Variants in TASP1 observed in about 807,000 individuals in gnomAD.
TASP1 encodes taspase 1.
In TASP1, 16 loss-of-function variants were observed where a neutral mutation model predicts 56.6. The observed-to-expected ratio is 0.28, with a 90% CI of 0.19 to 0.43. The LOEUF (loss-of-function observed/expected upper bound fraction) is 0.43, where lower values mean the gene tolerates loss of function less well. Ranked by LOEUF, TASP1 falls within the 20% of genes least tolerant of loss-of-function variation. The probability of loss-of-function intolerance (pLI) is 1.00; values close to 1 mark genes in which losing one functional copy is unlikely to be tolerated. For missense variants in TASP1, 393 were observed against 511.6 expected (o/e 0.77, Z 2.24); for synonymous variants, 179 against 184.2 (o/e 0.97, Z 0.23).
chr20:13,586,724 T>C (rs2047318497), intron 5 of TASP1, among the ~76,000 whole-genome samples: 1 of 152,158 alleles, frequency 6.6e-6, no homozygotes, highest in Non-Finnish European at 1.5e-5. Flanking sequence ...ATATCTTTTA[T>C]GTACTGATGT....
intron 11 of TASP1, among the ~76,000 whole-genome samples, chr20:13,455,847 A>T (rs2043812840): frequency 6.6e-6 from 1 of 152,174 alleles, no homozygotes; most frequent in Non-Finnish European, 1.5e-5. Context: ...TACATGGGGC[A>T]TTGCCCCATA....
chr20:13,311,433 G>C, the TASP1 span, among the ~76,000 whole-genome samples: 1 of 151,878 alleles, frequency 6.6e-6, no homozygotes, highest in Admixed American at 6.6e-5. Context: ...CCCACTCCTG[G>C]GTATATATCC....
intron 13 of TASP1, among the ~76,000 whole-genome samples, chr20:13,411,409 C>T (rs1191908285): frequency 6.6e-6 from 1 of 152,140 alleles, no homozygotes; most frequent in Admixed American, 6.6e-5. Context: ...TTCTTCTGAT[C>T]CATGAGCATG....
intron 6 of TASP1, among the ~76,000 whole-genome samples, chr20:13,576,327 GAGAA>G (rs1328442805): frequency 1.6e-4 from 20 of 122,812 alleles, no homozygotes; most frequent in South Asian, 8.2e-4. Flanking sequence ...AGAAAGAAAA[GAGAA>G]AGAAAGAAAG....
intron 6 of TASP1, among the ~76,000 whole-genome samples, chr20:13,577,637 T>C (rs1017388340): frequency 6.6e-6 from 1 of 152,162 alleles, no homozygotes; most frequent in Non-Finnish European, 1.5e-5. Flanking sequence ...CCTACACCCC[T>C]ATCTCTAGTG....
At chr20:13,332,551 AT>A in the TASP1 span, among the ~76,000 whole-genome samples, 6 of 152,352 alleles carry the variant, frequency 3.9e-5, no homozygotes, top group East Asian at 1.2e-3. Context: ...ATACATGTGT[AT>A]GTATTTAATT....
intron 4 of TASP1, among the ~76,000 whole-genome samples, chr20:13,606,634 C>T (rs185622028): frequency 3.9e-5 from 6 of 151,906 alleles, no homozygotes; most frequent in East Asian, 1.9e-4. Context: ...GGTGAAACCC[C>T]GTATCTACTA....
chr20:13,131,202 A>G, the TASP1 span, among the ~76,000 whole-genome samples: 1 of 152,198 alleles, frequency 6.6e-6, no homozygotes, highest in African/African-American at 2.4e-5. Flanking sequence ...CAAGTAATCA[A>G]TCAACATTTT....
At chr20:13,187,712 G>A in the TASP1 span, among the ~76,000 whole-genome samples, 116 of 120,012 alleles carry the variant, frequency 9.7e-4, 1 homozygote, top group East Asian at 0.027. Flanking sequence ...CCAGCCTGGC[G>A]ACAGAGTGAG....
At chr20:13,638,484 CTAAG>C (rs1257266079) in intron 1 of TASP1, among the ~76,000 whole-genome samples, 1 of 152,080 alleles carries the variant, frequency 6.6e-6, no homozygotes, top group Non-Finnish European at 1.5e-5. Context: ...GCCTCTATTA[CTAAG>C]TAAGGGGCTG....
chr20:13,143,427 A>G, the TASP1 span, among the ~76,000 whole-genome samples: 1 of 152,254 alleles, frequency 6.6e-6, no homozygotes, highest in Non-Finnish European at 1.5e-5. Context: ...TCATAACAGT[A>G]TGCAGTGGGC....
At chr20:13,269,586 T>C in the TASP1 span, among the ~76,000 whole-genome samples, 1 of 152,204 alleles carries the variant, frequency 6.6e-6, no homozygotes, top group East Asian at 1.9e-4. Flanking sequence ...ACTTGAGTGC[T>C]TCCTTTGCTG....
At chr20:13,235,084 C>T in the TASP1 span, among the ~76,000 whole-genome samples, 1 of 152,176 alleles carries the variant, frequency 6.6e-6, no homozygotes, top group Non-Finnish European at 1.5e-5. Context: ...GACAACTACT[C>T]CAAATCTCAA....
chr20:13,181,165 T>G, the TASP1 span, among the ~76,000 whole-genome samples: 73 of 152,324 alleles, frequency 4.8e-4, 1 homozygote, highest in Admixed American at 2.4e-3. Context: ...CTCTCTCCCA[T>G]GAGCCATTGG....
chr20:13,139,508 C>T, the TASP1 span, among the ~76,000 whole-genome samples: 3 of 152,194 alleles, frequency 2.0e-5, no homozygotes, highest in African/African-American at 7.2e-5. Context: ...TGTACGGTTT[C>T]CAAAGTTGCT....
At position 13,417,476 on chromosome 20, in the gene TASP1, T is replaced by C. The variant is rs775349774; in HGVS notation, c.1142A>G (p.Tyr381Cys). 6.2e-7 allele frequency: 1 copy of C among 1,614,212 alleles called. No individual in the cohort carries two copies. The change falls in exon 13 of 14, where the codon TAT becomes TGT. Residue 381 changes from tyrosine to cysteine, a missense_variant. By Grantham distance (194) the Tyr-to-Cys change is radical. Around this residue, in one of 3 missense-constraint regions of TASP1, gnomAD observed 293 missense variants for 354.2 expected, o/e 0.83. Coordinates refer to ENST00000337743, the MANE Select transcript of TASP1 (RefSeq NM_017714.3). ...SHTTESMCVG[Y>C]MSAQDGKAKT... ...GGCTTTCCCATCCTGGGCTGACATA[T>C]ATCCGACACACATGCTCTCCGTCGT... is the stretch of plus-strand genomic sequence containing the variant.
At chr20:13,583,644 C>T (rs1052183413) in intron 5 of TASP1, among the ~76,000 whole-genome samples, 2 of 152,088 alleles carry the variant, frequency 1.3e-5, no homozygotes, top group African/African-American at 2.4e-5. Flanking sequence ...ACCTCATGAG[C>T]GTATTGTGAG....
chr20:13,262,426 A>T, the TASP1 span, among the ~76,000 whole-genome samples: 1 of 151,610 alleles, frequency 6.6e-6, no homozygotes, highest in African/African-American at 2.4e-5. Flanking sequence ...ATTTGCAGGG[A>T]TGTTTTAGGT....
the TASP1 span, among the ~76,000 whole-genome samples, chr20:13,225,693 T>C: frequency 6.6e-6 from 1 of 152,210 alleles, no homozygotes; most frequent in Non-Finnish European, 1.5e-5. Flanking sequence ...TCAGTATTTT[T>C]AAAATATCTA....
Sources: gnomAD v4.1 joint callset for allele counts (sites outside exome capture counted in the v4.1 genomes callset) on GRCh38, gnomAD v4.1.1 for gene constraint, gnomAD v4.1.1 regional missense constraint, MANE v1.5 for transcripts, NCBI Gene and HGNC (gene_info 2026-07-23, HGNC 2026-07-21) for gene names.